Variants in TSPAN7 observed in about 807,000 individuals in gnomAD.
The protein encoded by TSPAN7 is tetraspanin-7.
Under a neutral mutation model 17.6 loss-of-function variants are expected in TSPAN7, and 1 was observed. The ratio of observed to expected loss-of-function variants is 0.06; its 90% CI spans 0.02 to 0.27. The LOEUF (loss-of-function observed/expected upper bound fraction) is 0.27, where lower values mean the gene tolerates loss of function less well. TSPAN7 is among the 10% of genes least tolerant of loss of function. The pLI, the probability that TSPAN7 is intolerant of heterozygous loss-of-function variation, is 1.00. For missense variants in TSPAN7, 112 were observed against 201.7 expected (o/e 0.56, Z 2.69); for synonymous variants, 78 against 79.0 (o/e 0.99, Z 0.07).
chrX:38,616,951 C>T (rs761340196), intron 1 of TSPAN7, among the ~76,000 whole-genome samples: 4 of 111,905 alleles, frequency 3.6e-5, no homozygotes, highest in East Asian at 2.8e-4. Context: ...TGATAAATAT[C>T]GACTTTGAAA....
At chrX:38,604,802 C>T (rs1383228735) in intron 1 of TSPAN7, among the ~76,000 whole-genome samples, 1 of 110,664 alleles carries the variant, frequency 9.0e-6, no homozygotes, top group Non-Finnish European at 1.9e-5. Flanking sequence ...GAACCAAAGA[C>T]AAAAACCACA....
chrX:38,593,328 T>A (rs1459361920), intron 1 of TSPAN7, among the ~76,000 whole-genome samples: 1 of 111,246 alleles, frequency 9.0e-6, no homozygotes, highest in African/African-American at 3.3e-5. Context: ...CTATAAATAT[T>A]TTTTCTATCC....
chrX:38,583,782 C>G (rs942264940), intron 1 of TSPAN7, among the ~76,000 whole-genome samples: 1 of 110,454 alleles, frequency 9.1e-6, no homozygotes, highest in African/African-American at 3.3e-5. Context: ...TTAACCTGAT[C>G]GTTCTAGTTA....
chrX:38,658,950 C>A (rs1430982221), intron 1 of TSPAN7, among the ~76,000 whole-genome samples: 1 of 109,265 alleles, frequency 9.2e-6, no homozygotes, highest in Non-Finnish European at 1.9e-5. Context: ...TCCCTGTCTC[C>A]TTTTAATGAT....
chrX:38,572,991 C>G (rs983111190), intron 1 of TSPAN7, among the ~76,000 whole-genome samples: 4 of 111,770 alleles, frequency 3.6e-5, no homozygotes, highest in Non-Finnish European at 7.5e-5. Context: ...CTTATTCTCT[C>G]TGAGCCCCAG....
chrX:38,641,772 C>T (rs886570213), intron 1 of TSPAN7, among the ~76,000 whole-genome samples: 13 of 111,244 alleles, frequency 1.2e-4, no homozygotes, highest in Admixed American at 1.9e-4. Context: ...GAGGTCTTAG[C>T]CAAGATCACA....
intron 1 of TSPAN7, among the ~76,000 whole-genome samples, chrX:38,640,036 G>A (rs1347131521): frequency 9.0e-6 from 1 of 111,661 alleles, no homozygotes; most frequent in Non-Finnish European, 1.9e-5. Context: ...TACTACAATG[G>A]ATCTGTCCCA....
At chrX:38,584,905 A>G (rs1031007080) in intron 1 of TSPAN7, among the ~76,000 whole-genome samples, 3 of 111,769 alleles carry the variant, frequency 2.7e-5, no homozygotes, top group African/African-American at 9.8e-5. Context: ...TGAACTCTTA[A>G]GTGGCCAAAT....
chrX:38,626,444 G>A (rs980802609), intron 1 of TSPAN7, among the ~76,000 whole-genome samples: 5 of 112,001 alleles, frequency 4.5e-5, no homozygotes, highest in African/African-American at 1.6e-4. Flanking sequence ...TAGCCAGATG[G>A]TCTGAGCATC....
chrX:38,652,704 G>A (rs189418588), intron 1 of TSPAN7, among the ~76,000 whole-genome samples: 8 of 112,322 alleles, frequency 7.1e-5, no homozygotes, highest in East Asian at 2.8e-4. Flanking sequence ...CGGGAGGCCC[G>A]TCCCAGGAAA....
intron 1 of TSPAN7, chrX:38,563,157 C>T: frequency 1.1e-6 from 1 of 952,252 alleles, no homozygotes; most frequent in Non-Finnish European, 1.3e-6. Flanking sequence ...CTCCCCAGAC[C>T]ACACATACCA....
intron 1 of TSPAN7, among the ~76,000 whole-genome samples, chrX:38,603,106 G>T (rs781473386): frequency 1.8e-5 from 2 of 111,736 alleles, no homozygotes; most frequent in Non-Finnish European, 3.8e-5. Flanking sequence ...TAAAAAATGG[G>T]CAAAGAATCT....
At chrX:38,611,660 G>A (rs1205466713) in intron 1 of TSPAN7, among the ~76,000 whole-genome samples, 1 of 111,946 alleles carries the variant, frequency 8.9e-6, no homozygotes, top group African/African-American at 3.2e-5. Context: ...GTCCACTGCT[G>A]TTATGGGGAA....
chrX:38,598,369 C>T (rs763552996), intron 1 of TSPAN7, among the ~76,000 whole-genome samples: 12 of 111,155 alleles, frequency 1.1e-4, no homozygotes, highest in Non-Finnish European at 2.3e-4. Flanking sequence ...TTCTTACCAC[C>T]GTGCTTGGAG....
intron 6 of TSPAN7, among the ~76,000 whole-genome samples, chrX:38,685,527 G>A (rs190420557): frequency 2.7e-5 from 3 of 111,812 alleles, no homozygotes; most frequent in African/African-American, 9.8e-5. Context: ...GGCTGAGGCA[G>A]GAGAATCACT....
chrX:38,646,855 G>A (rs767127576), intron 1 of TSPAN7, among the ~76,000 whole-genome samples: 4 of 111,854 alleles, frequency 3.6e-5, no homozygotes, highest in Non-Finnish European at 7.5e-5. Flanking sequence ...TCTTCATATT[G>A]CCAGAGACCA....
intron 1 of TSPAN7, among the ~76,000 whole-genome samples, chrX:38,601,126 G>A (rs1422467428): frequency 8.9e-6 from 1 of 111,813 alleles, no homozygotes; most frequent in Non-Finnish European, 1.9e-5. Flanking sequence ...CTACAAGGTA[G>A]AGTATAGAAG....
rs144549926 is a variant in TSPAN7, at chrX:38,626,628, A to G, written c.82-39493A>G. Among the ~76,000 whole-genome samples the G allele has an allele frequency of 1.5e-4, 17 of 111,547 alleles. No individual in the cohort carries two copies. The East Asian group carries it at 4.2e-3, about 28-fold the overall frequency. Reference sequence around the variant, plus strand: ...ATCTAGGTTCCAGAGAGGGCTGGGAAGTGAAAGGCACATTCAGAAGAGAGG... The same window carrying G: ...ATCTAGGTTCCAGAGAGGGCTGGGAGGTGAAAGGCACATTCAGAAGAGAGG... On this transcript the variant is annotated intron_variant, in intron 1 of 7. Transcript: ENST00000378482.
chrX:38,625,376 G>A (rs370794096), intron 1 of TSPAN7, among the ~76,000 whole-genome samples: 1 of 111,595 alleles, frequency 9.0e-6, no homozygotes, highest in Non-Finnish European at 1.9e-5. Flanking sequence ...ACCTTTCTCA[G>A]CCTCCCTCAG....
Sources: allele counts gnomAD v4.1 joint callset (sites outside exome capture counted in the v4.1 genomes callset), GRCh38; gene constraint gnomAD v4.1.1; transcripts MANE v1.5; gene names NCBI Gene and HGNC (gene_info 2026-07-23, HGNC 2026-07-21).